Variants in NUSAP1 observed in about 807,000 individuals in gnomAD.
NUSAP1 encodes nucleolar and spindle-associated protein 1.
A neutral mutation model predicts 52.8 loss-of-function variants in NUSAP1; 32 were observed. The observed-to-expected ratio is 0.61, with a 90% CI of 0.46 to 0.81. NUSAP1 has a LOEUF of 0.81. NUSAP1 is among the 40% of genes least tolerant of loss of function. NUSAP1 has a pLI of 0.00. For synonymous variants in NUSAP1, 195 were observed against 183.1 expected (o/e 1.06, Z -0.52); for missense variants, 499 against 522.3 (o/e 0.96, Z 0.43).
intron 10 of NUSAP1, among the ~76,000 whole-genome samples, chr15:41,378,958 T>TG (rs2050101513): frequency 8.8e-6 from 1 of 114,164 alleles, no homozygotes. Flanking sequence ...TTTTTTTTTT[T>TG]TTTTTTTTTT....
intron 1 of NUSAP1, among the ~76,000 whole-genome samples, chr15:41,339,605 T>C (rs554252878): frequency 1.1e-4 from 16 of 152,022 alleles, no homozygotes; most frequent in Non-Finnish European, 1.9e-4. Context: ...AGACAGGGTT[T>C]CTCCATATTG....
At chr15:41,377,794 G>T (rs1291688044) in intron 10 of NUSAP1, among the ~76,000 whole-genome samples, 1 of 150,626 alleles carries the variant, frequency 6.6e-6, no homozygotes, top group Non-Finnish European at 1.5e-5. Flanking sequence ...CACGAGGTCA[G>T]ATCGAGACCA....
At chr15:41,338,729 G>A (rs2048264488) in intron 1 of NUSAP1, among the ~76,000 whole-genome samples, 1 of 152,174 alleles carries the variant, frequency 6.6e-6, no homozygotes, top group Admixed American at 6.5e-5. Flanking sequence ...GCCGTGGTGG[G>A]TGGATCACTT....
chr15:41,371,875 A>G (rs1252502569), intron 8 of NUSAP1, among the ~76,000 whole-genome samples, 191 bp downstream of exon 8: 3 of 151,958 alleles, frequency 2.0e-5, no homozygotes, highest in Non-Finnish European at 2.9e-5. Context: ...GGTTCAAGCA[A>G]TTCTCCTGCC....
rs2050171491 is a variant in NUSAP1, at chr15:41,380,612, G to A, written c.*426G>A. The A allele has an allele frequency of 6.3e-6, 1 of 159,990 alleles. No individual in the cohort carries two copies. The highest frequency in any genetic ancestry group is 6.2e-5 in the Admixed American group (1 of 16,130). 9.9% of individuals were successfully genotyped at this position (159,990 alleles called of 1,614,324 possible). A position where few individuals can be genotyped will look rare whatever the true frequency, so the allele number is the denominator to read the frequency against. On this transcript the variant is annotated 3_prime_UTR_variant, in exon 11 of 11. Coordinates refer to ENST00000559596, the MANE Select transcript of NUSAP1 (RefSeq NM_016359.5). ...AGAATAGGGTAAGCTGGGATAGAAAGGCCACCTCTTCACTCTCTATAGAAT... is the reference window on the plus strand; with the variant it reads ...AGAATAGGGTAAGCTGGGATAGAAAAGCCACCTCTTCACTCTCTATAGAAT...
At chr15:41,333,647 G>C (rs568378315) in intron 1 of NUSAP1, among the ~76,000 whole-genome samples, 1 of 152,190 alleles carries the variant, frequency 6.6e-6, no homozygotes. Flanking sequence ...TTGGCCCGGC[G>C]CTGTGGCTCA....
intron 6 of NUSAP1, among the ~76,000 whole-genome samples, chr15:41,364,054 A>G (rs1281886564): frequency 6.6e-6 from 1 of 151,446 alleles, no homozygotes; most frequent in Non-Finnish European, 1.5e-5. Flanking sequence ...CTGGTCATGA[A>G]CTCCTGGGCT....
At chr15:41,356,389 C>T (rs975918816) in intron 5 of NUSAP1, among the ~76,000 whole-genome samples, 2 of 132,448 alleles carry the variant, frequency 1.5e-5, no homozygotes, top group Non-Finnish European at 3.1e-5. Flanking sequence ...GAGTCTTGCT[C>T]TGTCACCCAG....
Position 41,371,698 on chromosome 15 carries a change from A to AC in NUSAP1, c.1006+14_1006+15insC, listed in dbSNP as rs374327172. 12,515 of 1,535,272 alleles carry AC rather than the reference A, an allele frequency of 8.2e-3. 17 individuals carry two copies. The highest frequency in any genetic ancestry group is 0.017 in the South Asian group (1,392 of 81,946). ...ATTCTGCTGCTGGTAAAAAAAAAAA[A>AC]AAACAAAAGAAATCTGTTTCATTTT... On this transcript the variant is annotated intron_variant, in intron 8 of 10. Coordinates refer to ENST00000559596, the MANE Select transcript of NUSAP1 (RefSeq NM_016359.5).
chr15:41,351,534 C>T (rs952203090), intron 4 of NUSAP1, among the ~76,000 whole-genome samples: 1 of 152,100 alleles, frequency 6.6e-6, no homozygotes, highest in African/African-American at 2.4e-5. Context: ...GCCTATAATC[C>T]CATTACTTTG....
intron 1 of NUSAP1, among the ~76,000 whole-genome samples, chr15:41,337,584 A>G (rs1157328157): frequency 6.6e-6 from 1 of 152,178 alleles, no homozygotes; most frequent in Non-Finnish European, 1.5e-5. Flanking sequence ...CCATGTCCTC[A>G]TTCCATCTAC....
At chr15:41,346,686 G>T (rs1257516737) in intron 2 of NUSAP1, among the ~76,000 whole-genome samples, 1 of 151,564 alleles carries the variant, frequency 6.6e-6, no homozygotes, top group Non-Finnish European at 1.5e-5. Flanking sequence ...AATTAGCCGG[G>T]TGTGGTGGCA....
At position 41,371,697 on chromosome 15, in the gene NUSAP1, A is replaced by T; in HGVS notation, c.1006+13A>T. On this transcript the variant is annotated intron_variant, in intron 8 of 10. Transcript: ENST00000559596. ...AATTCTGCTGCTGGTAAAAAAAAAA[A>T]AAAACAAAAGAAATCTGTTTCATTT... 1 of 1,577,668 alleles carries T rather than the reference A, an allele frequency of 6.3e-7. No individual in the cohort carries two copies. The highest frequency in any genetic ancestry group is 8.5e-7 in the Non-Finnish European group (1 of 1,169,734).
chr15:41,338,430 T>C (rs1213608414), intron 1 of NUSAP1, among the ~76,000 whole-genome samples: 2 of 152,114 alleles, frequency 1.3e-5, no homozygotes, highest in African/African-American at 4.8e-5. Flanking sequence ...CCTGGATTCC[T>C]CTCTTCTTCA....
At chr15:41,377,866 T>G (rs1242417402) in intron 10 of NUSAP1, among the ~76,000 whole-genome samples, 1 of 151,192 alleles carries the variant, frequency 6.6e-6, no homozygotes, top group Non-Finnish European at 1.5e-5. Context: ...CCGGGCGTGG[T>G]GGCGGGCGCC....
chr15:41,375,239 G>A (rs537722626), intron 8 of NUSAP1, among the ~76,000 whole-genome samples: 2 of 145,400 alleles, frequency 1.4e-5, no homozygotes, highest in East Asian at 2.0e-4. Context: ...GTGCAATGGC[G>A]CAATCTCAGC....
intron 4 of NUSAP1, among the ~76,000 whole-genome samples, chr15:41,355,222 G>A (rs1004553167): frequency 6.6e-6 from 1 of 151,570 alleles, no homozygotes. Context: ...TGCCAGGCTG[G>A]AGTAGAGTGG....
chr15:41,337,413 C>G (rs1203627920), intron 1 of NUSAP1, among the ~76,000 whole-genome samples: 1 of 152,142 alleles, frequency 6.6e-6, no homozygotes, highest in Admixed American at 6.6e-5. Flanking sequence ...GCTGAAGATC[C>G]TGGGCCCTCT....
At chr15:41,356,007 ATCCT>A (rs1457502997) in intron 4 of NUSAP1, 28 bp from the exon 5 acceptor site, 3 of 1,398,148 alleles carry the variant, frequency 2.1e-6, no homozygotes, top group South Asian at 1.2e-5. Context: ...CTTTTTTGAA[ATCCT>A]TCATTATTTC....
Sources: allele counts gnomAD v4.1 joint callset (sites outside exome capture counted in the v4.1 genomes callset), GRCh38; gene constraint gnomAD v4.1.1; transcripts MANE v1.5; gene names NCBI Gene and HGNC (gene_info 2026-07-23, HGNC 2026-07-21).